PEAK1: variants seen among roughly 807,000 people sequenced by gnomAD.
PEAK1 encodes pseudopodium enriched atypical kinase 1, also known as inactive tyrosine-protein kinase PEAK1.
In PEAK1, 54 loss-of-function variants were observed where a neutral mutation model predicts 124.7. The observed-to-expected ratio is 0.43, with a 90% CI of 0.35 to 0.54. PEAK1 has a LOEUF of 0.54. Ranked by LOEUF, PEAK1 falls within the 20% of genes least tolerant of loss-of-function variation. PEAK1 has a pLI of 0.01. For missense variants in PEAK1, 2,046 were observed against 2,134.5 expected, an observed-to-expected ratio of 0.96 and a Z score of 0.82; for synonymous variants, 719 against 760.0, an observed-to-expected ratio of 0.95 and a Z score of 0.89.
chr15:77,176,075 G>C (rs1296559563), intron 7 of PEAK1, among the ~76,000 whole-genome samples: 2 of 151,806 alleles, frequency 1.3e-5, no homozygotes, highest in Non-Finnish European at 2.9e-5. Flanking sequence ...ACACAGGAAG[G>C]GGAACATCAC....
At chr15:77,285,934 T>C (rs984828031) in intron 3 of PEAK1, among the ~76,000 whole-genome samples, 4 of 152,194 alleles carry the variant, frequency 2.6e-5, no homozygotes, top group Non-Finnish European at 4.4e-5. Flanking sequence ...CTAGTTCTTT[T>C]AATTTCGATG....
intron 3 of PEAK1, 128 bp downstream of exon 3, chr15:77,286,295 T>A (rs542260861): frequency 1.0e-4 from 45 of 434,976 alleles, no homozygotes; most frequent in African/African-American, 8.7e-4. Flanking sequence ...TATTCACCTT[T>A]ATCTCCTCCA....
intron 6 of PEAK1, among the ~76,000 whole-genome samples, chr15:77,243,437 T>C (rs2060444376): frequency 6.6e-6 from 1 of 152,228 alleles, no homozygotes; most frequent in Non-Finnish European, 1.5e-5. Flanking sequence ...TTTATTTCTT[T>C]CCACTTTCAG....
chr15:77,360,121 T>C (rs1173794879), intron 2 of PEAK1, among the ~76,000 whole-genome samples: 1 of 152,174 alleles, frequency 6.6e-6, no homozygotes, highest in Non-Finnish European at 1.5e-5. Flanking sequence ...CCTACATTTA[T>C]AGGCAATTTG....
At chr15:77,367,865 G>C (rs1339994209) in intron 1 of PEAK1, among the ~76,000 whole-genome samples, 1 of 152,138 alleles carries the variant, frequency 6.6e-6, no homozygotes, top group African/African-American at 2.4e-5. Flanking sequence ...AAGTGGTAGA[G>C]GGATACCTCC....
At chr15:77,373,921 A>T (rs925246516) in intron 1 of PEAK1, among the ~76,000 whole-genome samples, 2 of 152,174 alleles carry the variant, frequency 1.3e-5, no homozygotes, top group Non-Finnish European at 2.9e-5. Flanking sequence ...TCCAGATACT[A>T]AAGTACTAGA....
intron 9 of PEAK1, among the ~76,000 whole-genome samples, chr15:77,116,706 ATCT>A (rs756189185): frequency 0.071 from 1,009 of 14,284 alleles, 5 homozygotes; most frequent in Middle Eastern, 0.19. Flanking sequence ...CAATCAATCT[ATCT>A]ATCTATCTAT....
chr15:77,344,715 T>C (rs750506996), intron 2 of PEAK1, among the ~76,000 whole-genome samples: 1 of 152,226 alleles, frequency 6.6e-6, no homozygotes, highest in Non-Finnish European at 1.5e-5. Flanking sequence ...CATTTACTTA[T>C]GTCTTAATTT....
chr15:77,278,573 C>A, intron 5 of PEAK1: 2 of 498,312 alleles, frequency 4.0e-6, no homozygotes, highest in Non-Finnish European at 8.0e-6. Context: ...TCCTCCAAAG[C>A]CAGAGACCAA....
chr15:77,314,200 C>T lies in PEAK1; in HGVS notation c.-602-27696G>A, dbSNP rs146053085. Among the ~76,000 whole-genome samples the T allele has an allele frequency of 2.0e-3, 304 of 152,030 alleles. 2 individuals are homozygous for T. The highest frequency in any genetic ancestry group is 3.4e-3 in the Middle Eastern group (1 of 294). ...ATGCTATCATTGTATTCTTTAAGAA[C>T]CTTATTTTGATAAAATGTAAATTTG... is the stretch of plus-strand genomic sequence containing the variant. On this transcript the variant is annotated intron_variant, in intron 2 of 9. Transcript: ENST00000682557.
intron 1 of PEAK1, among the ~76,000 whole-genome samples, chr15:77,388,310 G>A (rs1046408855): frequency 6.6e-6 from 1 of 152,162 alleles, no homozygotes; most frequent in African/African-American, 2.4e-5. Context: ...ACCAATGTGG[G>A]CTTCATAGGT....
Position 77,109,211 on chromosome 15 carries a change from C to T in PEAK1, c.*4945G>A, listed in dbSNP as rs1417737630. On this transcript the variant is annotated 3_prime_UTR_variant, in exon 10 of 10. Coordinates refer to ENST00000682557, the MANE Select transcript of PEAK1 (RefSeq NM_001385026.1). ...TCCGCTCTCAGTATTATATGATGTT[C>T]TCAAGCTGAGGTTTGGGCAATAGCC... 1 of 152,154 alleles carries T rather than the reference C, an allele frequency of 6.6e-6. No individual in the cohort carries two copies. The highest frequency in any genetic ancestry group is 1.5e-5 in the Non-Finnish European group (1 of 68,028). The allele number at this position is 152,154 out of a possible 1,614,324, so 9.4% of individuals were successfully genotyped here. A position where few individuals can be genotyped will look rare whatever the true frequency, so the allele number is the denominator to read the frequency against.
intron 1 of PEAK1, among the ~76,000 whole-genome samples, chr15:77,387,361 G>GT (rs1280539979): frequency 1.3e-5 from 2 of 152,136 alleles, no homozygotes; most frequent in Admixed American, 6.5e-5. Flanking sequence ...ATTTTGTAGG[G>GT]TAAGAATTCC....
intron 1 of PEAK1, among the ~76,000 whole-genome samples, chr15:77,394,116 G>C (rs551925909): frequency 6.6e-6 from 1 of 152,176 alleles, no homozygotes; most frequent in Non-Finnish European, 1.5e-5. Flanking sequence ...CATTAGAATA[G>C]AGCATCAGCT....
At chr15:77,420,643 T>A (rs2073293965), upstream of PEAK1, 1 of 358,016 alleles carries the variant, frequency 2.8e-6, no homozygotes, top group Non-Finnish European at 5.0e-6. Flanking sequence ...AAAAACTACA[T>A]CTCCCAGAAA....
intron 6 of PEAK1, among the ~76,000 whole-genome samples, chr15:77,201,218 A>T (rs1394286444): frequency 4.1e-5 from 6 of 145,610 alleles, no homozygotes; most frequent in Admixed American, 3.4e-4. Flanking sequence ...GTATAAATTG[A>T]TAAGCCTTTG....
chr15:77,206,810 G>A (rs2058681505), intron 6 of PEAK1, among the ~76,000 whole-genome samples: 1 of 152,056 alleles, frequency 6.6e-6, no homozygotes, highest in Non-Finnish European at 1.5e-5. Flanking sequence ...TTCTTTTGCT[G>A]TGCAGAAGCT....
chr15:77,384,795 G>A (rs1220944261), intron 1 of PEAK1, among the ~76,000 whole-genome samples: 1 of 152,134 alleles, frequency 6.6e-6, no homozygotes, highest in East Asian at 1.9e-4. Flanking sequence ...CCTAAATAAA[G>A]TTTTATTTTA....
At chr15:77,317,472 T>A (rs976330326) in intron 2 of PEAK1, among the ~76,000 whole-genome samples, 1 of 152,204 alleles carries the variant, frequency 6.6e-6, no homozygotes, top group Non-Finnish European at 1.5e-5. Flanking sequence ...TTTGACATAC[T>A]ATAGGTAAAT....
Sources: allele counts gnomAD v4.1 joint callset (sites outside exome capture counted in the v4.1 genomes callset), GRCh38; gene constraint gnomAD v4.1.1; transcripts MANE v1.5; gene names NCBI Gene and HGNC (gene_info 2026-07-23, HGNC 2026-07-21).